PTCHD4: variants seen among roughly 807,000 people sequenced by gnomAD.
PTCHD4 encodes the protein patched domain containing 4, also known as patched domain-containing protein 4.
A neutral mutation model predicts 58.1 loss-of-function variants in PTCHD4; 33 were observed. The observed-to-expected ratio is 0.57, with a 90% CI of 0.43 to 0.76. The LOEUF is 0.76. PTCHD4 is among the 30% of genes least tolerant of loss of function. The pLI is 0.00. For synonymous variants in PTCHD4, 478 were observed against 409.6 expected (o/e 1.17, Z -2.02); for missense variants, 1,058 against 1,027.1 (o/e 1.03, Z -0.41).
At chr6:48,061,194 G>A (rs1180222829) in intron 3 of PTCHD4, among the ~76,000 whole-genome samples, 1 of 152,112 alleles carries the variant, frequency 6.6e-6, no homozygotes, top group African/African-American at 2.4e-5. Flanking sequence ...AGGGACTTGA[G>A]AAAAATGCTG....
chr6:47,916,624 C>A (rs1765254862), intron 4 of PTCHD4, among the ~76,000 whole-genome samples: 1 of 151,460 alleles, frequency 6.6e-6, no homozygotes, highest in Admixed American at 6.6e-5. Context: ...ATCAAACTTT[C>A]TGAACCCCCA....
At chr6:48,092,397 C>T (rs1046653152) in intron 1 of PTCHD4, among the ~76,000 whole-genome samples, 1 of 152,090 alleles carries the variant, frequency 6.6e-6, no homozygotes, top group Non-Finnish European at 1.5e-5. Flanking sequence ...TGTCAATATG[C>T]AGCTAGGGGA....
chr6:48,079,555 C>G (rs996536440), intron 1 of PTCHD4, among the ~76,000 whole-genome samples: 1 of 151,082 alleles, frequency 6.6e-6, no homozygotes, highest in Non-Finnish European at 1.5e-5. Flanking sequence ...CCAAGTAGGG[C>G]AGAGGAGAAA....
intron 4 of PTCHD4, among the ~76,000 whole-genome samples, chr6:47,908,295 A>G (rs1764964203): frequency 6.6e-6 from 1 of 152,152 alleles, no homozygotes; most frequent in Non-Finnish European, 1.5e-5. Context: ...TGGGGTGAGC[A>G]CTGAACTTTC....
chr6:47,966,214 A>G (rs531592004), intron 4 of PTCHD4, among the ~76,000 whole-genome samples: 33 of 152,348 alleles, frequency 2.2e-4, no homozygotes, highest in Non-Finnish European at 4.6e-4. Flanking sequence ...CCAGACCACC[A>G]CAATGAACTG....
At chr6:48,049,104 G>T (rs1471683903) in intron 3 of PTCHD4, among the ~76,000 whole-genome samples, 1 of 151,982 alleles carries the variant, frequency 6.6e-6, no homozygotes, top group Non-Finnish European at 1.5e-5. Context: ...CAGAGCAGTG[G>T]TTCTCAACAG....
intron 4 of PTCHD4, among the ~76,000 whole-genome samples, chr6:47,965,669 C>T (rs1767256313): frequency 6.6e-6 from 1 of 152,146 alleles, no homozygotes; most frequent in South Asian, 2.1e-4. Context: ...TGGCTCACAC[C>T]TGTAATTCCA....
At chr6:47,977,013 G>A (rs931462048) in intron 4 of PTCHD4, among the ~76,000 whole-genome samples, 2 of 152,128 alleles carry the variant, frequency 1.3e-5, no homozygotes, top group Non-Finnish European at 1.5e-5. Flanking sequence ...AAAAGAGCAT[G>A]TATTCTGTGG....
At chr6:47,984,810 A>T (rs1768001978) in intron 4 of PTCHD4, among the ~76,000 whole-genome samples, 1 of 152,146 alleles carries the variant, frequency 6.6e-6, no homozygotes, top group African/African-American at 2.4e-5. Flanking sequence ...ATGATCTAAA[A>T]TAAAATAAAT....
rs1166506907 is a variant in PTCHD4 at position 47,871,249 on chromosome 6, A to G, written c.*7054T>C. 6.6e-6 allele frequency among the ~76,000 whole-genome samples: 1 copy of G among 151,578 alleles called. No individual in the cohort carries two copies. The highest frequency in any genetic ancestry group is 1.9e-4 in the East Asian group (1 of 5,164). ...AAAAACCCCGATTTAGCAGAAAATA[A>G]TAGCAATGCCTTCCAGAGGAAAAGA... On this transcript the variant is annotated 3_prime_UTR_variant, in exon 5 of 5. Transcript: ENST00000339488.
At chr6:48,067,114 G>A (rs1764826630) in intron 3 of PTCHD4, among the ~76,000 whole-genome samples, 1 of 152,070 alleles carries the variant, frequency 6.6e-6, no homozygotes, top group African/African-American at 2.4e-5. Context: ...CAGCTTCTGG[G>A]CATGAACAGG....
chr6:47,977,240 G>A (rs928673040), intron 4 of PTCHD4, among the ~76,000 whole-genome samples: 1 of 152,154 alleles, frequency 6.6e-6, no homozygotes, highest in Admixed American at 6.5e-5. Flanking sequence ...GTAATCCACT[G>A]CCCTTGAGAG....
At chr6:48,000,964 G>C (rs1768697023) in intron 4 of PTCHD4, among the ~76,000 whole-genome samples, 1 of 152,064 alleles carries the variant, frequency 6.6e-6, no homozygotes, top group African/African-American at 2.4e-5. Flanking sequence ...ACCAACAACA[G>C]ACAAACAGAG....
At chr6:47,977,177 G>A (rs989300623) in intron 4 of PTCHD4, among the ~76,000 whole-genome samples, 1 of 151,982 alleles carries the variant, frequency 6.6e-6, no homozygotes, top group Admixed American at 6.6e-5. Flanking sequence ...AAGGTGAGCA[G>A]GCTTTCAAGG....
intron 4 of PTCHD4, among the ~76,000 whole-genome samples, chr6:47,936,204 C>A (rs1458773196): frequency 6.6e-6 from 1 of 152,148 alleles, no homozygotes; most frequent in East Asian, 1.9e-4. Flanking sequence ...GTGGCTTGGA[C>A]TAGGGCAGTG....
At chr6:47,946,605 C>A (rs1011595811) in intron 4 of PTCHD4, among the ~76,000 whole-genome samples, 8 of 152,076 alleles carry the variant, frequency 5.3e-5, no homozygotes, top group African/African-American at 1.7e-4. Context: ...TTATAAACAG[C>A]ATATAGTTGT....
chr6:48,044,060 T>C (rs146209823), intron 3 of PTCHD4, among the ~76,000 whole-genome samples: 26 of 151,994 alleles, frequency 1.7e-4, no homozygotes, highest in African/African-American at 5.8e-4. Flanking sequence ...GAAATTCTTA[T>C]TTTATGAATT....
At position 47,929,207 on chromosome 6, in the gene PTCHD4, C is replaced by A. The variant is rs141710761; in HGVS notation, c.899-49271G>T. 2.8e-3 allele frequency among the ~76,000 whole-genome samples: 429 copies of A among 151,986 alleles called. 3 individuals are homozygous for A. The highest frequency in any genetic ancestry group is 9.6e-3 in the African/African-American group (398 of 41,470). On this transcript the variant is annotated intron_variant, in intron 4 of 4. Transcript: ENST00000339488. ...AAATTGGCTAAGCAAGTAAAATAAT[C>A]CACATGTAAAAGATAATTTACATAC...
intron 3 of PTCHD4, among the ~76,000 whole-genome samples, chr6:48,036,261 A>G (rs1412794058): frequency 2.0e-5 from 3 of 152,136 alleles, no homozygotes; most frequent in Non-Finnish European, 4.4e-5. Flanking sequence ...GATGTTACCA[A>G]GCCAGACTAA....
Sources: allele counts gnomAD v4.1 joint callset (sites outside exome capture counted in the v4.1 genomes callset), GRCh38; gene constraint gnomAD v4.1.1; transcripts MANE v1.5; gene names NCBI Gene and HGNC (gene_info 2026-07-23, HGNC 2026-07-21).